The following CDIPT variants were observed in gnomAD, a reference collection of about 807,000 sequenced individuals.
CDIPT encodes PI synthase.
Under a neutral mutation model 21.6 loss-of-function variants are expected in CDIPT, and 17 were observed. The ratio of observed to expected loss-of-function variants is 0.79; its 90% confidence interval spans 0.54 to 1.18. The LOEUF (loss-of-function observed/expected upper bound fraction) is 1.18, where lower values mean the gene tolerates loss of function less well. Ranked by LOEUF, CDIPT falls within the 50% of genes most tolerant of loss-of-function variation. The pLI, the probability that CDIPT is intolerant of heterozygous loss-of-function variation, is 0.00. For missense variants in CDIPT, 254 were observed against 284.9 expected (o/e 0.89, Z 0.78); for synonymous variants, 119 against 117.9 (o/e 1.01, Z -0.06).
chr16:29,858,952 C>T lies in CDIPT; in HGVS notation c.*237G>A. The stretch of plus-strand genomic sequence containing the variant: ...GTGTGACACTGCCCGGTCCCGGCAC[C>T]CCAGGAGCACCGCCTGGATGGAGGG... On this transcript the variant is annotated 3_prime_UTR_variant, in exon 6 of 6. Transcript: ENST00000219789. The T allele has an allele frequency of 1.8e-6, 1 of 571,022 alleles. No individual in the cohort carries two copies. The highest frequency in any genetic ancestry group is 3.1e-6 in the Non-Finnish European group (1 of 321,272). The allele number at this position is 571,022 out of a possible 1,614,324, so 35.4% of individuals were successfully genotyped here.
chr16:29,862,827 G>A lies in CDIPT; in HGVS notation c.31C>T (p.Pro11Ser). The A allele has an allele frequency of 6.2e-7, 1 of 1,614,052 alleles. No individual in the cohort carries two copies. The highest frequency in any genetic ancestry group is 8.5e-7 in the Non-Finnish European group (1 of 1,180,000). MPDENIFLFV[P>S]NLIGYARIVF... Reference sequence around the variant, plus strand: ...GGGCAGCACTCACCGATGAGGTTGGGCACGAACAGGAAGATATTTTCGTCT... The same window carrying A: ...GGGCAGCACTCACCGATGAGGTTGGACACGAACAGGAAGATATTTTCGTCT... Residue 11 changes from proline to serine, a missense_variant, in exon 1 of 6, where the codon CCC becomes TCC. Pro to Ser is a moderately conservative substitution (Grantham distance 74). Coordinates refer to ENST00000219789, the MANE Select transcript of CDIPT (RefSeq NM_006319.5). This position sits in a 1 kb window ranked among gnomAD's most constrained non-coding sequence, Gnocchi z 6.7.
At chr16:29,860,162 G>T (rs1204617957) in intron 4 of CDIPT, among the ~76,000 whole-genome samples, 1 of 152,012 alleles carries the variant, frequency 6.6e-6, no homozygotes, top group Non-Finnish European at 1.5e-5. Context: ...TGTTGCCCAG[G>T]CTGGTCTCAA....
chr16:29,859,283 G>C lies in CDIPT; in HGVS notation c.548C>G (p.Ala183Gly), dbSNP rs751501601. The change falls in exon 6 of 6, where the codon GCC becomes GGC. Residue 183 changes from alanine (A) to glycine (G), a missense_variant. Transcript: ENST00000219789. The surrounding 1 kb of genome is among the most constrained non-coding windows in gnomAD (Gnocchi z 4.5). ...GACGCTGATGAGCGACTTCAGCAAG[G>C]CGATGGGGGCAGTGACCCAGAGGCC... is the stretch of plus-strand genomic sequence containing the variant. ...RMGLWVTAPIALLKSLISVIH... is the reference protein window; with the variant it reads ...RMGLWVTAPIGLLKSLISVIH... 1.1e-5 allele frequency: 17 copies of C among 1,577,614 alleles called. 1 individual carries two copies. The South Asian group carries it at 2.0e-4, about 18-fold the overall frequency.
At position 29,858,993 on chromosome 16, in the gene CDIPT, C is replaced by G. The variant is rs1020927176; in HGVS notation, c.*196G>C. On this transcript the variant is annotated 3_prime_UTR_variant, in exon 6 of 6. Transcript: ENST00000219789. Reference sequence around the variant, plus strand: ...GGATGGAGGGGGCCTCCCGCGTATCCTCCCTGATTTGAGGCCCGGGTCCTC... The same window carrying G: ...GGATGGAGGGGGCCTCCCGCGTATCGTCCCTGATTTGAGGCCCGGGTCCTC... 5 of 628,670 alleles carry G rather than the reference C, an allele frequency of 8.0e-6. No individual in the cohort carries two copies. The African/African-American group carries it at 9.3e-5, about 12-fold the overall frequency. The allele number at this position is 628,670 out of a possible 1,614,324, so 38.9% of individuals were successfully genotyped here.
rs2067654733 is a variant in CDIPT at position 29,858,883 on chromosome 16, T to C, written c.*306A>G. On this transcript the variant is annotated 3_prime_UTR_variant, in exon 6 of 6. Coordinates refer to ENST00000219789, the MANE Select transcript of CDIPT (RefSeq NM_006319.5). ...CTGGCCCTCACACCACCTCCCTCAC[T>C]CAAGCGTCCCTAGCATCTCGGACCC... 1 of 338,922 alleles carries C rather than the reference T, an allele frequency of 3.0e-6. No homozygotes were observed. Among genetic ancestry groups the C allele is most frequent in the East Asian group, 6.5e-5 (1 of 15,452 alleles). The allele number at this position is 338,922 out of a possible 1,614,324, so 21.0% of individuals were successfully genotyped here. A position where few individuals can be genotyped will look rare whatever the true frequency, so the allele number is the denominator to read the frequency against.
chr16:29,862,488 G>T lies in CDIPT; in HGVS notation c.178+98C>A. The T allele has an allele frequency of 7.9e-7, 1 of 1,257,972 alleles. No homozygotes were observed. 77.9% of individuals were successfully genotyped at this position (1,257,972 alleles called of 1,614,324 possible). On this transcript the variant is annotated intron_variant, in intron 2 of 5. Coordinates refer to ENST00000219789, the MANE Select transcript of CDIPT (RefSeq NM_006319.5). The surrounding 1 kb of genome is among the most constrained non-coding windows in gnomAD (Gnocchi z 6.7). ...ATCCTGTTCTGCTTTTTCCAGAGATGGGAATGACAGCCCTCTGACTCTGAG... is the reference window on the plus strand; with the variant it reads ...ATCCTGTTCTGCTTTTTCCAGAGATTGGAATGACAGCCCTCTGACTCTGAG...
At chr16:29,860,724 A>C in intron 3 of CDIPT, 62 bp from the exon 4 acceptor site, 12 of 923,230 alleles carry the variant, frequency 1.3e-5, no homozygotes, top group Non-Finnish European at 2.0e-5. Context: ...TCCAATCCTC[A>C]TGTTAACACC....
In CDIPT at chr16:29,861,269, T is replaced by A; in HGVS notation, c.179-10A>T. ...GCCCCAAACCGGGTTCCTGGAAGAT[T>A]AGGTGGGCAAGGGCTGTTATGGCAC... On this transcript the variant is annotated splice_polypyrimidine_tract_variant and intron_variant, in intron 2 of 5. Coordinates refer to ENST00000219789, the MANE Select transcript of CDIPT (RefSeq NM_006319.5). The A allele has an allele frequency of 1.2e-6, 2 of 1,613,974 alleles. No homozygotes were observed. Among genetic ancestry groups the A allele is most frequent in the Non-Finnish European group, 1.7e-6 (2 of 1,179,942 alleles).
chr16:29,862,441 A>AC lies in CDIPT; in HGVS notation c.178+144dup. 1 of 863,108 alleles carries AC rather than the reference A, an allele frequency of 1.2e-6. No homozygotes were observed. Among genetic ancestry groups the AC allele is most frequent in the Admixed American group, 2.9e-5 (1 of 34,738 alleles). 53.5% of individuals were successfully genotyped at this position (863,108 alleles called of 1,614,324 possible). A position where few individuals can be genotyped will look rare whatever the true frequency, so the allele number is the denominator to read the frequency against. ...TGTCTCAAAAACAAAAAAACAAAAC[A>AC]CAAAACAAAAAGCCCCAGGCCATCC... On this transcript the variant is annotated intron_variant, in intron 2 of 5. Transcript: ENST00000219789. The surrounding 1 kb of genome is among the most constrained non-coding windows in gnomAD (Gnocchi z 6.7).
chr16:29,862,634 C>A lies in CDIPT; in HGVS notation c.130G>T (p.Gly44Cys), dbSNP rs1180496041. ...TGTCCATCGAAAGCGTCCAGCAGGCCGCTGAGCAGGTAGAAGGAGGAGGCC... is the reference window on the plus strand; with the variant it reads ...TGTCCATCGAAAGCGTCCAGCAGGCAGCTGAGCAGGTAGAAGGAGGAGGCC... ...LTASSFYLLS[G>C]LLDAFDGHAA... Residue 44 changes from glycine to cysteine, a missense_variant, in exon 2 of 6, where the codon GGC becomes TGC. Transcript: ENST00000219789. This position sits in a 1 kb window ranked among gnomAD's most constrained non-coding sequence, Gnocchi z 6.7. The A allele has an allele frequency of 2.5e-6, 4 of 1,608,552 alleles. No individual in the cohort carries two copies. Among genetic ancestry groups the A allele is most frequent in the African/African-American group, 1.3e-5 (1 of 74,822 alleles).
Position 29,862,659 on chromosome 16 carries a change from C to T in CDIPT, c.105G>A (p.Thr35=), listed in dbSNP as rs1023846401. The T allele has an allele frequency of 4.3e-6, 7 of 1,613,212 alleles. No individual in the cohort carries two copies. The Admixed American group carries it at 1.2e-4, about 27-fold the overall frequency. ...CGCTGAGCAGGTAGAAGGAGGAGGC[C>T]GTGAGGGGGCAGCAGGGCATGAAGT... The part of the protein sequence containing the change: ...SFYFMPCCPL[T]ASSFYLLSGL... The change falls in exon 2 of 6, where the codon ACG becomes ACA. Residue 35 remains threonine (T), a synonymous_variant. Coordinates refer to ENST00000219789, the MANE Select transcript of CDIPT (RefSeq NM_006319.5). The surrounding 1 kb of genome is among the most constrained non-coding windows in gnomAD (Gnocchi z 6.7).
rs1229747460 is a variant in CDIPT, at chr16:29,859,579, G to C, written c.415-56C>G. 8.7e-7 allele frequency: 1 copy of C among 1,146,558 alleles called. No individual in the cohort carries two copies. The highest frequency in any genetic ancestry group is 1.3e-6 in the Non-Finnish European group (1 of 761,316). 71.0% of individuals were successfully genotyped at this position (1,146,558 alleles called of 1,614,324 possible). ...AAGAGGCAGGCGTGTGCCACCCCCT[G>C]CCCCCCCAGCACTAATGAAGGCACA... On this transcript the variant is annotated intron_variant, in intron 4 of 5. Coordinates refer to ENST00000219789, the MANE Select transcript of CDIPT (RefSeq NM_006319.5). This position sits in a 1 kb window ranked among gnomAD's most constrained non-coding sequence, Gnocchi z 4.5.
In CDIPT at chr16:29,863,023, A is replaced by G; in HGVS notation, c.-166T>C. On this transcript the variant is annotated 5_prime_UTR_variant, in exon 1 of 6. Coordinates refer to ENST00000219789, the MANE Select transcript of CDIPT (RefSeq NM_006319.5). ...GATGCTGAAGCCCGCAGCCGTCGGGAGCATGGACCGGCCCCGAGGTGCGCG... is the reference window on the plus strand; with the variant it reads ...GATGCTGAAGCCCGCAGCCGTCGGGGGCATGGACCGGCCCCGAGGTGCGCG... 1.2e-6 allele frequency: 1 copy of G among 806,516 alleles called. No homozygotes were observed. Among genetic ancestry groups the G allele is most frequent in the South Asian group, 1.4e-5 (1 of 69,332 alleles). 50.0% of individuals were successfully genotyped at this position (806,516 alleles called of 1,614,324 possible).
chr16:29,862,763 C>G lies in CDIPT; in HGVS notation c.44-43G>C, dbSNP rs1216212536. 6.2e-7 allele frequency: 1 copy of G among 1,613,574 alleles called. No homozygotes were observed. Among genetic ancestry groups the G allele is most frequent in the Admixed American group, 1.7e-5 (1 of 59,982 alleles). On this transcript the variant is annotated intron_variant, in intron 1 of 5. Coordinates refer to ENST00000219789, the MANE Select transcript of CDIPT (RefSeq NM_006319.5). The surrounding 1 kb of genome is among the most constrained non-coding windows in gnomAD (Gnocchi z 6.7). ...GGAGACAGGGCAGGATCAGGGAGCC[C>G]GCCAAGGCCCCTCGCCCTCTCGTTC...
rs780373799 is a variant in CDIPT at position 29,862,757 on chromosome 16, G to A, written c.44-37C>T. ...ACGCGGGGAGACAGGGCAGGATCAG[G>A]GAGCCCGCCAAGGCCCCTCGCCCTC... On this transcript the variant is annotated intron_variant, in intron 1 of 5. Coordinates refer to ENST00000219789, the MANE Select transcript of CDIPT (RefSeq NM_006319.5). This position sits in a 1 kb window ranked among gnomAD's most constrained non-coding sequence, Gnocchi z 6.7. 8 of 1,613,730 alleles carry A rather than the reference G, an allele frequency of 5.0e-6. No homozygotes were observed. Among genetic ancestry groups the A allele is most frequent in the South Asian group, 3.3e-5 (3 of 91,050 alleles).
Position 29,859,314 on chromosome 16 carries a change from G to A in CDIPT, c.517C>T (p.Arg173Trp), listed in dbSNP as rs368954184. 71 of 1,566,592 alleles carry A rather than the reference G, an allele frequency of 4.5e-5. 1 individual carries two copies. The Middle Eastern group carries it at 6.7e-4, about 15-fold the overall frequency. ...GGGGCAGTGACCCAGAGGCCCATCC[G>A]GAACAGTCCCACAGAGCCAACTGCA... is the stretch of plus-strand genomic sequence containing the variant. ...GPLVGSVGLFRMGLWVTAPIA... is the reference protein window; with the variant it reads ...GPLVGSVGLFWMGLWVTAPIA... The change falls in exon 6 of 6, where the codon CGG (arginine) becomes TGG (tryptophan). Residue 173 changes from arginine to tryptophan, a missense_variant. Arg to Trp is a moderately radical substitution (Grantham distance 101, BLOSUM62 -3). Coordinates refer to ENST00000219789, the MANE Select transcript of CDIPT (RefSeq NM_006319.5). This position sits in a 1 kb window ranked among gnomAD's most constrained non-coding sequence, Gnocchi z 4.5.
In CDIPT at chr16:29,858,946, C is replaced by T. The variant is rs771084326; in HGVS notation, c.*243G>A. The T allele has an allele frequency of 2.9e-5, 16 of 558,718 alleles. No individual in the cohort carries two copies. The highest frequency in any genetic ancestry group is 4.8e-5 in the Non-Finnish European group (15 of 313,508). The allele number at this position is 558,718 out of a possible 1,614,324, so 34.6% of individuals were successfully genotyped here. A position where few individuals can be genotyped will look rare whatever the true frequency, so the allele number is the denominator to read the frequency against. The stretch of plus-strand genomic sequence containing the variant: ...GGCAGGGTGTGACACTGCCCGGTCC[C>T]GGCACCCCAGGAGCACCGCCTGGAT... On this transcript the variant is annotated 3_prime_UTR_variant, in exon 6 of 6. Transcript: ENST00000219789.
chr16:29,858,988 G>A lies in CDIPT; in HGVS notation c.*201C>T, dbSNP rs546286262. 52 of 604,284 alleles carry A rather than the reference G, an allele frequency of 8.6e-5. No individual in the cohort carries two copies. The highest frequency in any genetic ancestry group is 7.9e-4 in the South Asian group (39 of 49,528). The allele number at this position is 604,284 out of a possible 1,614,324, so 37.4% of individuals were successfully genotyped here. A position where few individuals can be genotyped will look rare whatever the true frequency, so the allele number is the denominator to read the frequency against. On this transcript the variant is annotated 3_prime_UTR_variant, in exon 6 of 6. Coordinates refer to ENST00000219789, the MANE Select transcript of CDIPT (RefSeq NM_006319.5). ...CGCCTGGATGGAGGGGGCCTCCCGC[G>A]TATCCTCCCTGATTTGAGGCCCGGG...
rs1244059434 is a variant in CDIPT, at chr16:29,859,301, C to G, written c.530G>C (p.Trp177Ser). The change falls in exon 6 of 6, where the codon TGG becomes TCG. Residue 177 changes from tryptophan to serine, a missense_variant. Trp to Ser is a radical substitution (Grantham distance 177). Transcript: ENST00000219789. The surrounding 1 kb of genome is among the most constrained non-coding windows in gnomAD (Gnocchi z 4.5). Reference protein sequence around the residue: ...GSVGLFRMGLWVTAPIALLKS... With the variant: ...GSVGLFRMGLSVTAPIALLKS... ...CAGCAAGGCGATGGGGGCAGTGACC[C>G]AGAGGCCCATCCGGAACAGTCCCAC... 8 of 1,571,664 alleles carry G rather than the reference C, an allele frequency of 5.1e-6. No homozygotes were observed. Among genetic ancestry groups the G allele is most frequent in the Non-Finnish European group, 6.9e-6 (8 of 1,158,214 alleles).
Sources: gnomAD v4.1 joint callset for allele counts (sites outside exome capture counted in the v4.1 genomes callset) on GRCh38, gnomAD v4.1.1 for gene constraint, Gnocchi (gnomAD v3.1) non-coding constraint, MANE v1.5 for transcripts, NCBI Gene and HGNC (gene_info 2026-07-23, HGNC 2026-07-21) for gene names.